SH3YL1: variants seen among roughly 807,000 people sequenced by gnomAD.
SH3YL1 encodes SH3 domain-containing YSC84-like protein 1.
Under a neutral mutation model 45.8 loss-of-function variants are expected in SH3YL1, and 41 were observed. The observed-to-expected ratio is 0.89, with a 90% CI of 0.70 to 1.16. The LOEUF is 1.16. Among genes scored for constraint, SH3YL1 ranks in the 50% most tolerant of loss-of-function variants. The pLI is 0.00. For missense variants in SH3YL1, 389 were observed against 409.6 expected (o/e 0.95, Z 0.43); for synonymous variants, 152 against 151.4 (o/e 1.00, Z -0.03).
chr2:235,410 G>A (rs1220546795), intron 4 of SH3YL1, among the ~76,000 whole-genome samples: 1 of 116,726 alleles, frequency 8.6e-6, no homozygotes, highest in Non-Finnish European at 1.8e-5. Context: ...CATGGGCCAG[G>A]GGAGGCAGCA....
At chr2:242,422 T>C (rs1161093115) in intron 4 of SH3YL1, among the ~76,000 whole-genome samples, 1 of 152,062 alleles carries the variant, frequency 6.6e-6, no homozygotes, top group African/African-American at 2.4e-5. Context: ...AGTAATGTTT[T>C]TGTATCTTAT....
chr2:242,057 A>T (rs763596108), intron 4 of SH3YL1: 3 of 152,118 alleles, frequency 2.0e-5, no homozygotes, highest in Non-Finnish European at 2.9e-5. Flanking sequence ...TTAAAAATAA[A>T]TTTTTTCTAT....
chr2:243,412 C>T lies in SH3YL1; in HGVS notation c.291+4126G>A, dbSNP rs563296788. 1.0e-5 allele frequency: 13 copies of T among 1,271,334 alleles called. No homozygotes were observed. The African/African-American group carries it at 2.0e-4, about 19-fold the overall frequency. 78.8% of individuals were successfully genotyped at this position (1,271,334 alleles called of 1,614,324 possible). On this transcript the variant is annotated intron_variant, in intron 4 of 9. Transcript: ENST00000356150. ...TTATAAATATGTGGACATTAAGCAA[C>T]ACACTCTTAAATAACAAATGGCTCA...
At chr2:240,369 C>G (rs1668489793) in intron 4 of SH3YL1, 1 of 152,296 alleles carries the variant, frequency 6.6e-6, no homozygotes, top group African/African-American at 2.4e-5. Flanking sequence ...GCTGCAAGAG[C>G]AGAGAGCTCC....
At chr2:250,812 T>C (rs1336699727) in intron 2 of SH3YL1, among the ~76,000 whole-genome samples, 2 of 152,216 alleles carry the variant, frequency 1.3e-5, no homozygotes, top group Non-Finnish European at 2.9e-5. Flanking sequence ...ACCATGAAGT[T>C]TGCATGCAGA....
At chr2:240,509 T>C (rs940285317) in intron 4 of SH3YL1, 5 of 152,194 alleles carry the variant, frequency 3.3e-5, no homozygotes, top group Admixed American at 6.5e-5. Flanking sequence ...AGCAACAAGC[T>C]AAACCATTGG....
chr2:264,812 G>C (rs1669788489), upstream of SH3YL1: 1 of 858,906 alleles, frequency 1.2e-6, no homozygotes, highest in African/African-American at 1.8e-5. Context: ...AGGCGCACTG[G>C]AGCCGATTGC....
intron 9 of SH3YL1, among the ~76,000 whole-genome samples, chr2:223,950 G>A (rs1031830981): frequency 4.6e-5 from 7 of 152,180 alleles, no homozygotes; most frequent in Non-Finnish European, 1.0e-4. Context: ...GGAACATGCT[G>A]ACCTCTCTTC....
intron 9 of SH3YL1, among the ~76,000 whole-genome samples, 174 bp downstream of exon 9, chr2:224,690 T>C (rs1667718596): frequency 6.6e-6 from 1 of 152,214 alleles, no homozygotes; most frequent in Non-Finnish European, 1.5e-5. Flanking sequence ...GCAAGTAAGA[T>C]AACAAAAGCA....
chr2:240,029 G>A (rs1221069779), intron 4 of SH3YL1: 1 of 152,270 alleles, frequency 6.6e-6, no homozygotes, highest in Admixed American at 6.5e-5. Flanking sequence ...CCACAGGAGA[G>A]GCTTCTGCCA....
At chr2:231,406 C>T (rs556704210) in intron 6 of SH3YL1, among the ~76,000 whole-genome samples, 17 of 152,094 alleles carry the variant, frequency 1.1e-4, no homozygotes, top group Admixed American at 1.1e-3. Flanking sequence ...CCATAAATAT[C>T]CTTATATGTA....
intron 4 of SH3YL1, among the ~76,000 whole-genome samples, chr2:238,357 A>G (rs929715838): frequency 8.6e-5 from 13 of 151,534 alleles, no homozygotes; most frequent in African/African-American, 3.2e-4. Flanking sequence ...CCTTCCAGCA[A>G]CAACACCCCC....
At chr2:263,908 G>GTCC in intron 1 of SH3YL1, 76 bp downstream of exon 1, 1 of 1,296,570 alleles carries the variant, frequency 7.7e-7, no homozygotes, top group East Asian at 2.7e-5. Flanking sequence ...CGGTTTTCCC[G>GTCC]TCCTCCTCCT....
intron 4 of SH3YL1, chr2:243,499 A>G (rs757053040): frequency 4.6e-6 from 7 of 1,532,688 alleles, no homozygotes; most frequent in Non-Finnish European, 5.3e-6. Context: ...AAGACACAAC[A>G]TACCCACACT....
At chr2:257,672 C>G (rs935834590) in intron 1 of SH3YL1, among the ~76,000 whole-genome samples, 2 of 152,170 alleles carry the variant, frequency 1.3e-5, no homozygotes, top group Non-Finnish European at 2.9e-5. Flanking sequence ...TTTGTTCTGA[C>G]CACGAGGCAT....
intron 8 of SH3YL1, among the ~76,000 whole-genome samples, chr2:229,134 C>T (rs1009064789): frequency 6.6e-6 from 1 of 152,032 alleles, no homozygotes; most frequent in Non-Finnish European, 1.5e-5. Flanking sequence ...TTACTGGTAA[C>T]CTCCATATAC....
intron 9 of SH3YL1, among the ~76,000 whole-genome samples, chr2:221,877 T>C (rs1212757782): frequency 2.0e-5 from 3 of 152,228 alleles, no homozygotes; most frequent in African/African-American, 7.2e-5. Flanking sequence ...TGTGCCCTGT[T>C]AGTTTTTTTC....
At chr2:237,302 C>A (rs1395378184) in intron 4 of SH3YL1, among the ~76,000 whole-genome samples, 1 of 151,894 alleles carries the variant, frequency 6.6e-6, no homozygotes, top group African/African-American at 2.4e-5. Flanking sequence ...TCTGATCTCT[C>A]TTTAGTTCTT....
chr2:252,920 G>A, intron 2 of SH3YL1, 85 bp downstream of exon 2: 1 of 774,694 alleles, frequency 1.3e-6, no homozygotes, highest in Non-Finnish European at 2.1e-6. Context: ...GGAGGCTTCT[G>A]CCTGAAATGG....
Sources: gnomAD v4.1 joint callset for allele counts (sites outside exome capture counted in the v4.1 genomes callset) on GRCh38, gnomAD v4.1.1 for gene constraint, MANE v1.5 for transcripts, NCBI Gene and HGNC (gene_info 2026-07-23, HGNC 2026-07-21) for gene names.